BACE1: variants seen among roughly 807,000 people sequenced by gnomAD.
BACE1 encodes beta-secretase 1, also known as APP beta-secretase.
Under a neutral mutation model 54.0 loss-of-function variants are expected in BACE1, and 21 were observed. The ratio of observed to expected loss-of-function variants is 0.39; its 90% CI spans 0.28 to 0.56. BACE1 has a LOEUF of 0.56. Among genes scored for constraint, BACE1 ranks in the 20% least tolerant of loss-of-function variants. BACE1 has a pLI of 0.63. For synonymous variants in BACE1, 232 were observed against 260.9 expected, an observed-to-expected ratio of 0.89 and a Z score of 1.07; for missense variants, 511 against 661.2, an observed-to-expected ratio of 0.77 and a Z score of 2.49.
intron 1 of BACE1, among the ~76,000 whole-genome samples, chr11:117,306,244 TG>T (rs1352801088): frequency 6.6e-6 from 1 of 152,164 alleles, no homozygotes; most frequent in Non-Finnish European, 1.5e-5. Flanking sequence ...GGAACCCACC[TG>T]GAAAACCCAT....
chr11:117,312,716 G>A (rs1212857854), intron 1 of BACE1, among the ~76,000 whole-genome samples: 3 of 152,198 alleles, frequency 2.0e-5, no homozygotes, highest in Non-Finnish European at 2.9e-5. Context: ...GCCGGCCTCA[G>A]CCTCCCAAAG....
chr11:117,296,387 G>A (rs1181236834), intron 2 of BACE1, among the ~76,000 whole-genome samples: 2 of 152,110 alleles, frequency 1.3e-5, no homozygotes, highest in Admixed American at 6.5e-5. Flanking sequence ...AGGGGTTTAT[G>A]AAAGACCCTT....
intron 1 of BACE1, among the ~76,000 whole-genome samples, chr11:117,309,419 TCAC>T (rs2034899649): frequency 6.6e-6 from 1 of 152,210 alleles, no homozygotes. Flanking sequence ...GTGCTCCTCC[TCAC>T]CACTCTCCAT....
At position 117,296,588 on chromosome 11, in the gene BACE1, GTGAGCTA is replaced by G. The variant is rs1240998157; in HGVS notation, c.350+278_350+284del. ...AAAATGGGCCCCCTAAGATTGTTCT[GTGAGCTA>G]TGGGCTCTTCTTCCTTTCCCTCCCA... is the stretch of plus-strand genomic sequence containing the variant. On this transcript the variant is annotated intron_variant, in intron 2 of 8. Transcript: ENST00000313005. 7.2e-5 allele frequency among the ~76,000 whole-genome samples: 11 copies of G among 152,076 alleles called. 1 individual carries two copies.
chr11:117,300,731 T>C (rs1428171482), intron 1 of BACE1, among the ~76,000 whole-genome samples: 1 of 146,988 alleles, frequency 6.8e-6, no homozygotes, highest in Non-Finnish European at 1.5e-5. Context: ...GGGAGTCAAG[T>C]CCCTCCTCCC....
At chr11:117,313,488 G>T (rs977257902) in intron 1 of BACE1, among the ~76,000 whole-genome samples, 8 of 152,146 alleles carry the variant, frequency 5.3e-5, no homozygotes, top group African/African-American at 1.7e-4. Context: ...AGGCTGGAGG[G>T]CAATGGTGCG....
Position 117,289,347 on chromosome 11 carries a change from A to G in BACE1, c.*219T>C, listed in dbSNP as rs1158457541. The G allele has an allele frequency of 1.5e-6, 1 of 654,080 alleles. No homozygotes were observed. The highest frequency in any genetic ancestry group is 1.8e-5 in the African/African-American group (1 of 55,170). The allele number at this position is 654,080 out of a possible 1,614,324, so 40.5% of individuals were successfully genotyped here. A position where few individuals can be genotyped will look rare whatever the true frequency, so the allele number is the denominator to read the frequency against. ...GGTGACCAAGAGTATTCCCGCCAGC[A>G]GAGTGCTTCTTTCTTCTCTTTTCTG... On this transcript the variant is annotated 3_prime_UTR_variant, in exon 9 of 9. Coordinates refer to ENST00000313005, the MANE Select transcript of BACE1 (RefSeq NM_012104.6).
In BACE1 at chr11:117,315,099, G is replaced by A. The variant is rs2035061215; in HGVS notation, c.261+436C>T. ...GCTGCCAGGATTCCTTGGTCCTGGA[G>A]GTACTGGGAACAATGGTGGGAATCA... is the stretch of plus-strand genomic sequence containing the variant. On this transcript the variant is annotated intron_variant, in intron 1 of 8. Transcript: ENST00000313005. This position sits in a 1 kb window ranked among gnomAD's most constrained non-coding sequence, Gnocchi z 5.5. Among the ~76,000 whole-genome samples the A allele has an allele frequency of 6.6e-6, 1 of 152,226 alleles. No homozygotes were observed. The highest frequency in any genetic ancestry group is 1.5e-5 in the Non-Finnish European group (1 of 68,040).
intron 1 of BACE1, among the ~76,000 whole-genome samples, chr11:117,306,778 T>G (rs1250142098): frequency 6.6e-6 from 1 of 151,880 alleles, no homozygotes; most frequent in Non-Finnish European, 1.5e-5. Flanking sequence ...GCCACCGCAC[T>G]CCAGCCTGGG....
intron 1 of BACE1, among the ~76,000 whole-genome samples, chr11:117,309,866 T>C (rs2034907498): frequency 6.6e-6 from 1 of 152,206 alleles, no homozygotes; most frequent in Admixed American, 6.5e-5. Flanking sequence ...CTATGTTTGG[T>C]CAGTGATGCT....
At chr11:117,295,610 A>C (rs1167261121) in intron 2 of BACE1, 7 of 1,535,320 alleles carry the variant, frequency 4.6e-6, no homozygotes, top group Admixed American at 2.0e-5. Context: ...GGCCCTGTGA[A>C]GAACAAGCCT....
chr11:117,297,101 C>A, intron 1 of BACE1, 140 bp from the exon 2 acceptor site: 1 of 658,272 alleles, frequency 1.5e-6, no homozygotes, highest in South Asian at 1.8e-5. Context: ...CTGGTCCAGG[C>A]TGGCACCCGT....
In BACE1 at chr11:117,289,430, G is replaced by T; in HGVS notation, c.*136C>A. The T allele has an allele frequency of 7.1e-7, 1 of 1,412,568 alleles. No homozygotes were observed. Among genetic ancestry groups the T allele is most frequent in the Non-Finnish European group, 9.4e-7 (1 of 1,064,282 alleles). The allele number at this position is 1,412,568 out of a possible 1,614,324, so 87.5% of individuals were successfully genotyped here. The stretch of plus-strand genomic sequence containing the variant: ...TGCCAGCCTTTTCCTTCTCCATCAA[G>T]GCAGAGGCATTTGGTGGGTGGGGAG... On this transcript the variant is annotated 3_prime_UTR_variant, in exon 9 of 9. Coordinates refer to ENST00000313005, the MANE Select transcript of BACE1 (RefSeq NM_012104.6).
At chr11:117,312,508 G>A in intron 1 of BACE1, among the ~76,000 whole-genome samples, 1 of 152,060 alleles carries the variant, frequency 6.6e-6, no homozygotes, top group Admixed American at 6.6e-5. Context: ...TGTCACCCAG[G>A]CTGGAGTGCA....
At chr11:117,295,746 C>G in intron 2 of BACE1, 2 of 1,424,630 alleles carry the variant, frequency 1.4e-6, no homozygotes, top group Non-Finnish European at 1.8e-6. Flanking sequence ...TGCCTTGGAA[C>G]CTAGTGGTAC....
chr11:117,300,121 C>T lies in BACE1; in HGVS notation c.262-3160G>A, dbSNP rs181569509. 4.7e-3 allele frequency among the ~76,000 whole-genome samples: 712 copies of T among 152,182 alleles called. 3 individuals are homozygous for T. The highest frequency in any genetic ancestry group is 7.1e-3 in the Non-Finnish European group (480 of 68,004). On this transcript the variant is annotated intron_variant, in intron 1 of 8. Transcript: ENST00000313005. ...CTGAGGCCCTGGGCGCTCTTGCTGTCCTTCCAGCCCCAGCCTTTCCCCCTG... is the reference window on the plus strand; with the variant it reads ...CTGAGGCCCTGGGCGCTCTTGCTGTTCTTCCAGCCCCAGCCTTTCCCCCTG...
chr11:117,296,841 G>A (rs746909261), intron 2 of BACE1, 32 bp downstream of exon 2: 3 of 1,538,792 alleles, frequency 1.9e-6, no homozygotes, highest in South Asian at 1.1e-5. Context: ...CCTTGGAAAA[G>A]GTACTTCCCC....
chr11:117,301,865 T>C (rs1321652828), intron 1 of BACE1, among the ~76,000 whole-genome samples: 1 of 152,244 alleles, frequency 6.6e-6, no homozygotes, highest in Non-Finnish European at 1.5e-5. Context: ...TTGCTGTCCC[T>C]AGGCCAAGCT....
At chr11:117,300,941 C>G (rs1032484820) in intron 1 of BACE1, among the ~76,000 whole-genome samples, 4 of 152,210 alleles carry the variant, frequency 2.6e-5, no homozygotes, top group African/African-American at 9.6e-5. Context: ...CCCTTCACAA[C>G]CAAAGCGCTC....
Sources: gnomAD v4.1 joint callset for allele counts (sites outside exome capture counted in the v4.1 genomes callset) on GRCh38, gnomAD v4.1.1 for gene constraint, Gnocchi (gnomAD v3.1) non-coding constraint, MANE v1.5 for transcripts, NCBI Gene and HGNC (gene_info 2026-07-23, HGNC 2026-07-21) for gene names.